ACOXL: variants seen among roughly 807,000 people sequenced by gnomAD.
ACOXL encodes the protein acyl-CoA oxidase like, also known as acyl-coenzyme A oxidase-like protein.
Under a neutral mutation model 71.9 loss-of-function variants are expected in ACOXL, and 70 were observed. The observed-to-expected ratio is 0.97, with a 90% CI of 0.80 to 1.19. The LOEUF (loss-of-function observed/expected upper bound fraction) is 1.19. ACOXL is among the 50% of genes most tolerant of loss of function. The pLI, the probability that ACOXL is intolerant of heterozygous loss-of-function variation, is 0.00. For missense variants in ACOXL, 703 were observed against 736.3 expected (o/e 0.95, Z 0.52); for synonymous variants, 253 against 281.6 (o/e 0.90, Z 1.02).
At chr2:110,777,135 T>A (rs571236758) in intron 2 of ACOXL, among the ~76,000 whole-genome samples, 1 of 152,222 alleles carries the variant, frequency 6.6e-6, no homozygotes, top group South Asian at 2.1e-4. Context: ...AGTCTTTAGA[T>A]GTGATCATCT....
intron 10 of ACOXL, among the ~76,000 whole-genome samples, chr2:110,883,797 A>G (rs916914639): frequency 6.6e-6 from 1 of 152,210 alleles, no homozygotes; most frequent in African/African-American, 2.4e-5. Flanking sequence ...CTGCCTTTGA[A>G]CTAGAAATTT....
Position 110,799,017 on chromosome 2 carries a change from C to T in ACOXL, c.464C>T (p.Pro155Leu). ...QLIIDGRSQG[P>L]HCFIVPVRDE... ...ATGATCTCGATGCCTTCCTTAGGGC[C>T]CCACTGTTTCATCGTTCCTGTCCGG... The change falls in exon 7 of 18, where the codon CCC becomes CTC. Residue 155 changes from proline (P) to leucine (L), a missense_variant. Pro to Leu is a moderately conservative substitution (Grantham distance 98, BLOSUM62 -3). Coordinates refer to ENST00000439055, the MANE Select transcript of ACOXL (RefSeq NM_001142807.4). 1 of 1,613,848 alleles carries T rather than the reference C, an allele frequency of 6.2e-7. No individual in the cohort carries two copies. The highest frequency in any genetic ancestry group is 8.5e-7 in the Non-Finnish European group (1 of 1,179,912).
intron 2 of ACOXL, among the ~76,000 whole-genome samples, chr2:110,782,477 A>G (rs1332850528): frequency 6.6e-6 from 1 of 152,224 alleles, no homozygotes; most frequent in Non-Finnish European, 1.5e-5. Context: ...GAGATGGATG[A>G]GTACAAATAT....
intron 14 of ACOXL, among the ~76,000 whole-genome samples, chr2:111,019,638 T>C (rs2064647435): frequency 6.6e-6 from 1 of 152,194 alleles, no homozygotes. Context: ...AACTCGTGTG[T>C]GTGACAAAAA....
intron 12 of ACOXL, among the ~76,000 whole-genome samples, chr2:110,964,873 G>GTT (rs1028949510): frequency 6.6e-6 from 1 of 152,092 alleles, no homozygotes; most frequent in African/African-American, 2.4e-5. Flanking sequence ...ATATATTGTT[G>GTT]TTAACTATAG....
At chr2:110,943,558 A>G (rs983694600) in intron 12 of ACOXL, among the ~76,000 whole-genome samples, 1 of 152,152 alleles carries the variant, frequency 6.6e-6, no homozygotes, top group African/African-American at 2.4e-5. Context: ...GCAGTACAGA[A>G]TGAGCAGAAG....
rs1402381809 is a variant in ACOXL, at chr2:110,760,806, A to G, written c.-22-7562A>G. ...GATACTTTTTTTTTCATTAGTGTTC[A>G]TGTGGAACAAGACAGATAGGGAAAT... On this transcript the variant is annotated intron_variant, in intron 1 of 17. Coordinates refer to ENST00000439055, the MANE Select transcript of ACOXL (RefSeq NM_001142807.4). Among the ~76,000 whole-genome samples, 3 of 152,276 alleles carry G rather than the reference A, an allele frequency of 2.0e-5. No individual in the cohort carries two copies. In the East Asian group the frequency reaches 5.8e-4, roughly 29 times the overall value.
At chr2:110,878,751 C>T (rs767873162) in intron 10 of ACOXL, among the ~76,000 whole-genome samples, 13 of 151,554 alleles carry the variant, frequency 8.6e-5, no homozygotes, top group African/African-American at 2.4e-4. Flanking sequence ...GGCAACAGAG[C>T]GAGACTCCAT....
chr2:111,079,654 A>G (rs555458551), intron 16 of ACOXL, among the ~76,000 whole-genome samples: 1 of 152,182 alleles, frequency 6.6e-6, no homozygotes, highest in East Asian at 1.9e-4. Flanking sequence ...TTGAATTCTG[A>G]TCTTCTTCCC....
intron 9 of ACOXL, among the ~76,000 whole-genome samples, chr2:110,834,697 C>G (rs1543107): frequency 0.45 from 68,304 of 152,112 alleles, 15,559 homozygotes; most frequent in East Asian, 0.54. Context: ...CCTGCCTGCT[C>G]TCTCCTGGTT....
intron 10 of ACOXL, among the ~76,000 whole-genome samples, chr2:110,865,199 A>G (rs1368234436): frequency 2.0e-5 from 3 of 152,196 alleles, no homozygotes; most frequent in African/African-American, 7.2e-5. Flanking sequence ...CAAAAAGTGC[A>G]ACTGCATGTT....
In ACOXL at chr2:111,099,841, A is replaced by G. The variant is rs537013430; in HGVS notation, c.1542+6875A>G. On this transcript the variant is annotated intron_variant, in intron 17 of 17. Coordinates refer to ENST00000439055, the MANE Select transcript of ACOXL (RefSeq NM_001142807.4). ...TTAAGGAAGAAAGCCTTTCAAAATG[A>G]CCCAACAGTTAACAATTGTATATCT... is the stretch of plus-strand genomic sequence containing the variant. 8 of 152,322 alleles carry G rather than the reference A, an allele frequency of 5.3e-5. No individual in the cohort carries two copies. In the East Asian group the frequency reaches 1.5e-3, roughly 29 times the overall value. The allele number at this position is 152,322 out of a possible 1,614,324, so 9.4% of individuals were successfully genotyped here.
intron 11 of ACOXL, among the ~76,000 whole-genome samples, chr2:110,933,129 G>GA (rs1207210180): frequency 6.6e-6 from 1 of 152,086 alleles, no homozygotes; most frequent in Non-Finnish European, 1.5e-5. Flanking sequence ...AGTCATGTCT[G>GA]ACAATCTCCA....
At chr2:110,803,240 A>G (rs559217756) in intron 8 of ACOXL, among the ~76,000 whole-genome samples, 1 of 152,360 alleles carries the variant, frequency 6.6e-6, no homozygotes, top group South Asian at 2.1e-4. Context: ...ATAAAGAAGA[A>G]CAAAGTAGGA....
At chr2:110,810,254 T>C (rs1236195498) in intron 9 of ACOXL, among the ~76,000 whole-genome samples, 2 of 152,230 alleles carry the variant, frequency 1.3e-5, no homozygotes, top group Non-Finnish European at 2.9e-5. Flanking sequence ...TCTGCTTTTA[T>C]TGTCTTCTGG....
chr2:110,744,133 GAGAGAGAGA>G (rs1346836281), intron 1 of ACOXL, among the ~76,000 whole-genome samples: 1 of 152,202 alleles, frequency 6.6e-6, no homozygotes, highest in Admixed American at 6.5e-5. Flanking sequence ...GAGAGAGAAA[GAGAGAGAGA>G]AGAGAGAGAA....
chr2:111,108,725 C>T (rs1274015121), intron 17 of ACOXL, among the ~76,000 whole-genome samples: 1 of 152,176 alleles, frequency 6.6e-6, no homozygotes, highest in African/African-American at 2.4e-5. Flanking sequence ...TGACAAATAG[C>T]AGACTGTATA....
At chr2:111,032,756 C>T (rs994730391) in intron 15 of ACOXL, among the ~76,000 whole-genome samples, 3 of 152,130 alleles carry the variant, frequency 2.0e-5, no homozygotes, top group African/African-American at 7.2e-5. Context: ...TAGGAGTGTG[C>T]CTGCGTCCAA....
chr2:110,739,985 C>A (rs369829964), intron 1 of ACOXL, among the ~76,000 whole-genome samples: 20 of 152,220 alleles, frequency 1.3e-4, no homozygotes, highest in African/African-American at 4.6e-4. Context: ...AACTTGTAGA[C>A]CTGTATTTAT....
Sources: gnomAD v4.1 joint callset for allele counts (sites outside exome capture counted in the v4.1 genomes callset) on GRCh38, gnomAD v4.1.1 for gene constraint, MANE v1.5 for transcripts, NCBI Gene and HGNC (gene_info 2026-07-23, HGNC 2026-07-21) for gene names.